EMC1: variants seen among roughly 807,000 people sequenced by gnomAD.
The protein encoded by EMC1 is ER membrane protein complex subunit 1, also known as KIAA0090.
A neutral mutation model predicts 128.8 loss-of-function variants in EMC1; 103 were observed. The observed-to-expected ratio is 0.80, with a 90% confidence interval of 0.68 to 0.94. The LOEUF (loss-of-function observed/expected upper bound fraction) is 0.94. Ranked by LOEUF, EMC1 falls within the 40% of genes least tolerant of loss-of-function variation. The probability of loss-of-function intolerance (pLI) is 0.00; values close to 1 mark genes in which losing one functional copy is unlikely to be tolerated. For synonymous variants in EMC1, 442 were observed against 490.4 expected, an observed-to-expected ratio of 0.90 and a Z score of 1.30; for missense variants, 1,083 against 1,250.6, an observed-to-expected ratio of 0.87 and a Z score of 2.02.
Position 19,216,233 on chromosome 1 carries a change from C to CA in EMC1, c.*3069dup, listed in dbSNP as rs144374191. 158 of 129,572 alleles carry CA rather than the reference C, an allele frequency of 1.2e-3. No individual in the cohort carries two copies. Among genetic ancestry groups the CA allele is most frequent in the Admixed American group, 1.8e-3 (21 of 11,970 alleles). The allele number at this position is 129,572 out of a possible 1,614,324, so 8.0% of individuals were successfully genotyped here. A position where few individuals can be genotyped will look rare whatever the true frequency, so the allele number is the denominator to read the frequency against. ...GCCTGGGTGACAGAGACCCTGCCTCCAAAAAAAAAGCAATTTATAAAGGCA... is the reference window on the plus strand; with the variant it reads ...GCCTGGGTGACAGAGACCCTGCCTCCAAAAAAAAAAGCAATTTATAAAGGCA... On this transcript the variant is annotated 3_prime_UTR_variant, in exon 23 of 23. Transcript: ENST00000477853.
At position 19,245,010 on chromosome 1, in the gene EMC1, T is replaced by C. The variant is rs1235455000; in HGVS notation, c.116A>G (p.Lys39Arg). Reference sequence around the variant, plus strand: ...AAATTCCAAGGAGGCAAACTTGACCTTCCCAACATATTGCTGTCTCCTGAG... The same window carrying C: ...AAATTCCAAGGAGGCAAACTTGACCCTCCCAACATATTGCTGTCTCCTGAG... ...KFDWRQQYVGKVKFASLEFSP... is the reference protein window; with the variant it reads ...KFDWRQQYVGRVKFASLEFSP... The change falls in exon 2 of 23, where the codon AAG becomes AGG. Residue 39 changes from lysine to arginine, a missense_variant. Lys to Arg is a conservative substitution (Grantham distance 26). Transcript: ENST00000477853. The C allele has an allele frequency of 6.2e-7, 1 of 1,613,968 alleles. No individual in the cohort carries two copies. The highest frequency in any genetic ancestry group is 1.3e-5 in the African/African-American group (1 of 75,044).
At chr1:19,236,034 A>C (rs2093560895) in intron 12 of EMC1, among the ~76,000 whole-genome samples, 1 of 151,926 alleles carries the variant, frequency 6.6e-6, no homozygotes, top group South Asian at 2.1e-4. Context: ...AATAGGTCAA[A>C]GGAGGAAAGT....
Position 19,222,769 on chromosome 1 carries a change from A to C in EMC1, c.2442T>G (p.Thr814=). 6.2e-7 allele frequency: 1 copy of C among 1,614,160 alleles called. No individual in the cohort carries two copies. Among genetic ancestry groups the C allele is most frequent in the Non-Finnish European group, 8.5e-7 (1 of 1,180,010 alleles). ...EFTVLELYEG[T]EQYNATAFSS... ...TGAAGGCGGTGGCGTTGTATTGCTC[A>C]GTGCCCTCATAGAGCTCCAGTACGG... Residue 814 remains threonine (T), a synonymous_variant, in exon 20 of 23, where the codon ACT becomes ACG. Transcript: ENST00000477853.
In EMC1 at chr1:19,232,658, T is replaced by C. The variant is rs748910199; in HGVS notation, c.1748A>G (p.His583Arg). ...MVQRTTAHFP[H>R]PPQCTLLVKD... is the part of the protein sequence containing the mutation. ...CACCAGCAGGGTGCACTGTGGGGGA[T>C]GGGGGAAATGAGCAGTAGTTCTCTG... The change falls in exon 15 of 23, where the codon CAT becomes CGT. Residue 583 changes from histidine (H) to arginine (R), a missense_variant. His to Arg is a conservative substitution (Grantham distance 29). Transcript: ENST00000477853. 3.7e-6 allele frequency: 6 copies of C among 1,613,940 alleles called. No individual in the cohort carries two copies. Among genetic ancestry groups the C allele is most frequent in the Non-Finnish European group, 5.1e-6 (6 of 1,180,022 alleles).
At position 19,222,683 on chromosome 1, in the gene EMC1, G is replaced by A; in HGVS notation, c.2528C>T (p.Ser843Phe). ...VLQQSYIFPS[S>F]ISAMEATITE... Reference sequence around the variant, plus strand: ...GATGGTGGCCTCCATGGCACTGATGGAGGACGGGAAGATATAGGACTGCTG... The same window carrying A: ...GATGGTGGCCTCCATGGCACTGATGAAGGACGGGAAGATATAGGACTGCTG... Residue 843 changes from serine (S) to phenylalanine (F), a missense_variant, in exon 20 of 23, where the codon TCC becomes TTC. Coordinates refer to ENST00000477853, the MANE Select transcript of EMC1 (RefSeq NM_015047.3). 6.2e-7 allele frequency: 1 copy of A among 1,614,164 alleles called. No individual in the cohort carries two copies.
At chr1:19,223,304 G>C (rs1453749355) in intron 19 of EMC1, 92 bp downstream of exon 19, 1 of 1,246,780 alleles carries the variant, frequency 8.0e-7, no homozygotes, top group African/African-American at 1.5e-5. Context: ...GAGATCCTAA[G>C]AAAACCAAAG....
At position 19,236,785 on chromosome 1, in the gene EMC1, T is replaced by A. The variant is rs187104325; in HGVS notation, c.1309+357A>T. ...GAATTCGAGACCAGCCTGGCCAACA[T>A]GGGGAAACCCTGTCTCTACTGAAAA... is the stretch of plus-strand genomic sequence containing the variant. On this transcript the variant is annotated intron_variant, in intron 12 of 22. Transcript: ENST00000477853. 1.9e-3 allele frequency among the ~76,000 whole-genome samples: 288 copies of A among 151,048 alleles called. 1 individual carries two copies. Among genetic ancestry groups the A allele is most frequent in the African/African-American group, 6.5e-3 (266 of 41,108 alleles).
In EMC1 at chr1:19,218,249, A is replaced by G. The variant is rs974984091; in HGVS notation, c.*1054T>C. The G allele has an allele frequency of 2.0e-4, 30 of 152,264 alleles. No homozygotes were observed. Among genetic ancestry groups the G allele is most frequent in the African/African-American group, 7.2e-4 (30 of 41,466 alleles). 9.4% of individuals were successfully genotyped at this position (152,264 alleles called of 1,614,324 possible). On this transcript the variant is annotated 3_prime_UTR_variant, in exon 23 of 23. Coordinates refer to ENST00000477853, the MANE Select transcript of EMC1 (RefSeq NM_015047.3). Reference sequence around the variant, plus strand: ...TTTTAGGATTTCTTTAATTTGTAGCAGAGACACAGTGGCCTAGCCAATCGG... The same window carrying G: ...TTTTAGGATTTCTTTAATTTGTAGCGGAGACACAGTGGCCTAGCCAATCGG...
Position 19,237,249 on chromosome 1 carries a change from C to T in EMC1, c.1213-11G>A, listed in dbSNP as rs1288784874. ...CACCTGGATATACAGCTATAAGCCACAGTCAAGACCGGTGTAGTCAGTGAG... is the reference window on the plus strand; with the variant it reads ...CACCTGGATATACAGCTATAAGCCATAGTCAAGACCGGTGTAGTCAGTGAG... On this transcript the variant is annotated splice_polypyrimidine_tract_variant and intron_variant, in intron 11 of 22. Transcript: ENST00000477853. The T allele has an allele frequency of 8.1e-6, 13 of 1,600,310 alleles. No individual in the cohort carries two copies. The highest frequency in any genetic ancestry group is 1.0e-5 in the Non-Finnish European group (12 of 1,167,724).
chr1:19,224,833 C>T (rs1242491410), intron 18 of EMC1, among the ~76,000 whole-genome samples: 1 of 152,184 alleles, frequency 6.6e-6, no homozygotes, highest in Admixed American at 6.5e-5. Context: ...CATGCCTCCT[C>T]ACTCATCATC....
chr1:19,235,843 T>C (rs2093559162), intron 12 of EMC1, among the ~76,000 whole-genome samples: 1 of 152,094 alleles, frequency 6.6e-6, no homozygotes, highest in Non-Finnish European at 1.5e-5. Flanking sequence ...CAGTGAGCTA[T>C]GATCACGCCA....
chr1:19,235,594 G>A (rs60278543), intron 12 of EMC1, among the ~76,000 whole-genome samples: 15 of 152,182 alleles, frequency 9.9e-5, no homozygotes, highest in African/African-American at 2.6e-4. Flanking sequence ...CCAGCTACTC[G>A]GGAGGCTGAG....
intron 1 of EMC1, among the ~76,000 whole-genome samples, chr1:19,246,345 G>A (rs59648351): frequency 0.28 from 41,986 of 151,916 alleles, 6,492 homozygotes; most frequent in East Asian, 0.6. Flanking sequence ...ATCCAAGATC[G>A]TGTCACTGAA....
intron 18 of EMC1, among the ~76,000 whole-genome samples, chr1:19,226,001 C>T (rs766424318): frequency 1.3e-5 from 2 of 152,102 alleles, no homozygotes; most frequent in Non-Finnish European, 1.5e-5. Flanking sequence ...AGCTAGGCCA[C>T]GGCAGAGCCA....
intron 1 of EMC1, among the ~76,000 whole-genome samples, chr1:19,248,951 G>A (rs901429216): frequency 6.6e-6 from 1 of 152,150 alleles, no homozygotes; most frequent in African/African-American, 2.4e-5. Context: ...CCAGTTGCTA[G>A]GGAGGCTGAG....
At chr1:19,241,277 G>A in intron 5 of EMC1, 135 bp from the exon 6 acceptor site, 1 of 969,148 alleles carries the variant, frequency 1.0e-6, no homozygotes, top group Non-Finnish European at 1.5e-6. Flanking sequence ...ACACAGTTTG[G>A]GGGCTTTTGT....
chr1:19,220,707 C>G (rs1484038564), intron 21 of EMC1, 57 bp downstream of exon 21: 3 of 1,358,678 alleles, frequency 2.2e-6, no homozygotes. Context: ...CAAGCTTAAT[C>G]AGTGAGGTTA....
At position 19,227,376 on chromosome 1, in the gene EMC1, T is replaced by C. The variant is rs775852029; in HGVS notation, c.2139A>G (p.Lys713=). Reference sequence around the variant, plus strand: ...GGGAATGAACGTGCTCACTGCTGCGTTTCCCCTTCACCTTGACGATCCGCT... The same window carrying C: ...GGGAATGAACGTGCTCACTGCTGCGCTTCCCCTTCACCTTGACGATCCGCT... ...EVQRIVKVKG[K]RSSEHVHSQG... The change falls in exon 18 of 23, where the codon AAA becomes AAG. Residue 713 remains lysine, a synonymous_variant. Coordinates refer to ENST00000477853, the MANE Select transcript of EMC1 (RefSeq NM_015047.3). 8 of 1,614,078 alleles carry C rather than the reference T, an allele frequency of 5.0e-6. No individual in the cohort carries two copies. The highest frequency in any genetic ancestry group is 6.8e-6 in the Non-Finnish European group (8 of 1,180,046).
chr1:19,248,067 G>C (rs1283443601), intron 1 of EMC1, among the ~76,000 whole-genome samples: 2 of 151,930 alleles, frequency 1.3e-5, no homozygotes, highest in African/African-American at 4.8e-5. Context: ...TGTTATCACA[G>C]ATGATAGCTC....
Sources: allele counts gnomAD v4.1 joint callset (sites outside exome capture counted in the v4.1 genomes callset), GRCh38; gene constraint gnomAD v4.1.1; transcripts MANE v1.5; gene names NCBI Gene and HGNC (gene_info 2026-07-23, HGNC 2026-07-21).